PABPC4L: variants seen among roughly 807,000 people sequenced by gnomAD.
PABPC4L encodes the protein poly(A) binding protein cytoplasmic 4 like.
For missense variants in PABPC4L, 452 were observed against 451.4 expected (o/e 1.00, Z -0.01); for synonymous variants, 169 against 164.1 (o/e 1.03, Z -0.23).
the PABPC4L span, among the ~76,000 whole-genome samples, chr4:134,045,574 G>A: frequency 6.6e-6 from 1 of 152,158 alleles, no homozygotes; most frequent in Non-Finnish European, 1.5e-5. Context: ...GTCCTTGGAA[G>A]AGGCTTACAT....
At chr4:134,146,781 GAA>G in the PABPC4L span, among the ~76,000 whole-genome samples, 2 of 151,992 alleles carry the variant, frequency 1.3e-5, no homozygotes, top group African/African-American at 4.8e-5. Flanking sequence ...GGTGGTCTTG[GAA>G]AAAGCACCAT....
At chr4:134,107,659 A>G in the PABPC4L span, among the ~76,000 whole-genome samples, 2 of 151,734 alleles carry the variant, frequency 1.3e-5, no homozygotes, top group African/African-American at 4.8e-5. Flanking sequence ...GTATGTAGAA[A>G]CAGAACATTT....
chr4:134,179,183 G>A, the PABPC4L span, among the ~76,000 whole-genome samples: 7 of 151,980 alleles, frequency 4.6e-5, no homozygotes, highest in Admixed American at 3.9e-4. Flanking sequence ...AAATCCCATC[G>A]GGCAAACAGC....
At chr4:134,083,377 A>G in the PABPC4L span, among the ~76,000 whole-genome samples, 1 of 152,138 alleles carries the variant, frequency 6.6e-6, no homozygotes, top group Admixed American at 6.6e-5. Flanking sequence ...CATTGTTTCC[A>G]AAACAATGGT....
the PABPC4L span, among the ~76,000 whole-genome samples, chr4:134,086,072 T>C: frequency 6.6e-6 from 1 of 152,134 alleles, no homozygotes. Context: ...TAAAATATTA[T>C]TGGTCTTTTT....
the PABPC4L span, among the ~76,000 whole-genome samples, chr4:134,112,274 C>T: frequency 6.6e-6 from 1 of 151,876 alleles, no homozygotes; most frequent in Non-Finnish European, 1.5e-5. Flanking sequence ...CATTCAAACT[C>T]TGATTTCTGG....
the PABPC4L span, among the ~76,000 whole-genome samples, chr4:134,108,521 G>T: frequency 6.6e-6 from 1 of 151,854 alleles, no homozygotes; most frequent in Non-Finnish European, 1.5e-5. Flanking sequence ...ATGAAGGACT[G>T]AAGAATCCAC....
the PABPC4L span, among the ~76,000 whole-genome samples, chr4:134,022,212 T>C: frequency 1.3e-5 from 2 of 152,156 alleles, no homozygotes; most frequent in African/African-American, 4.8e-5. Context: ...AATTTTTCAC[T>C]ACCAGTTTTA....
At chr4:134,015,744 C>T in the PABPC4L span, among the ~76,000 whole-genome samples, 4 of 152,238 alleles carry the variant, frequency 2.6e-5, no homozygotes, top group South Asian at 4.1e-4. Flanking sequence ...GGACCAGGAC[C>T]GCACCCTGTA....
chr4:134,069,343 A>AT, the PABPC4L span, among the ~76,000 whole-genome samples: 1 of 152,072 alleles, frequency 6.6e-6, no homozygotes, highest in East Asian at 1.9e-4. Flanking sequence ...GGTTCTCTGC[A>AT]TTTTTTGAAC....
chr4:134,044,114 G>A, the PABPC4L span, among the ~76,000 whole-genome samples: 1 of 151,804 alleles, frequency 6.6e-6, no homozygotes, highest in Non-Finnish European at 1.5e-5. Context: ...TTTTTTTGTA[G>A]AGACAGGGGT....
the PABPC4L span, among the ~76,000 whole-genome samples, chr4:134,032,695 A>C: frequency 3.3e-5 from 5 of 151,994 alleles, no homozygotes; most frequent in Admixed American, 6.6e-5. Context: ...GGTGATTTCT[A>C]CTTAATAAAC....
the PABPC4L span, among the ~76,000 whole-genome samples, chr4:134,076,069 C>CT: frequency 1.0e-3 from 153 of 150,200 alleles, no homozygotes; most frequent in Non-Finnish European, 2.0e-3. Context: ...CACACACTAC[C>CT]TTTTTTTTTG....
chr4:134,005,677 G>A, the PABPC4L span, among the ~76,000 whole-genome samples: 1 of 151,612 alleles, frequency 6.6e-6, no homozygotes, highest in Non-Finnish European at 1.5e-5. Context: ...ATAGACACTA[G>A]GCAATCAGAG....
chr4:134,150,365 T>C, the PABPC4L span, among the ~76,000 whole-genome samples: 28 of 152,244 alleles, frequency 1.8e-4, no homozygotes, highest in East Asian at 5.2e-3. Context: ...ATTACAGGCA[T>C]GAGCCACCGT....
chr4:134,177,037 G>A, the PABPC4L span, among the ~76,000 whole-genome samples: 6 of 152,118 alleles, frequency 3.9e-5, no homozygotes, highest in East Asian at 1.9e-4. Flanking sequence ...CGCCCTTTCC[G>A]GATAGGGCTT....
At chr4:134,015,825 T>A in the PABPC4L span, among the ~76,000 whole-genome samples, 3 of 152,196 alleles carry the variant, frequency 2.0e-5, 1 homozygote, top group Non-Finnish European at 4.4e-5. Flanking sequence ...CGGCTGCCAC[T>A]GCCCTAATAC....
At chr4:134,183,236 G>T in the PABPC4L span, among the ~76,000 whole-genome samples, 2 of 151,812 alleles carry the variant, frequency 1.3e-5, no homozygotes, top group Admixed American at 1.3e-4. Flanking sequence ...GTGGATAAAA[G>T]AAAATATGGT....
the PABPC4L span, among the ~76,000 whole-genome samples, chr4:134,017,645 C>T: frequency 1.3e-5 from 2 of 152,228 alleles, no homozygotes; most frequent in East Asian, 3.9e-4. Context: ...CTGGGTCTTC[C>T]CAATTCTTAG....
Sources: gnomAD v4.1 joint callset for allele counts (sites outside exome capture counted in the v4.1 genomes callset) on GRCh38, gnomAD v4.1.1 for gene constraint, MANE v1.5 for transcripts, NCBI Gene and HGNC (gene_info 2026-07-23, HGNC 2026-07-21) for gene names.